Variants in SNTB1 observed in about 807,000 individuals in gnomAD.
The protein encoded by SNTB1 is beta-1-syntrophin.
In SNTB1, 36 loss-of-function variants were observed where a neutral mutation model predicts 48.9. The observed-to-expected ratio is 0.74, with a 90% confidence interval of 0.56 to 0.97. The LOEUF is 0.97. SNTB1 is among the 50% of genes least tolerant of loss of function. The pLI, the probability that SNTB1 is intolerant of heterozygous loss-of-function variation, is 0.00. For missense variants in SNTB1, 786 were observed against 703.4 expected, an observed-to-expected ratio of 1.12 and a Z score of -1.33; for synonymous variants, 299 against 294.6, an observed-to-expected ratio of 1.01 and a Z score of -0.15.
intron 4 of SNTB1, among the ~76,000 whole-genome samples, chr8:120,553,308 G>GGAACAGCA (rs1815513241): frequency 6.6e-6 from 1 of 152,212 alleles, no homozygotes; most frequent in Non-Finnish European, 1.5e-5. Context: ...TGCCATCTGA[G>GGAACAGCA]GAACAGCAGA....
chr8:120,594,345 C>T (rs1816290674), intron 3 of SNTB1, among the ~76,000 whole-genome samples: 1 of 152,178 alleles, frequency 6.6e-6, no homozygotes. Flanking sequence ...TCCAGTGATT[C>T]TCTTACCTCA....
chr8:120,667,357 G>T (rs1817689462), intron 2 of SNTB1, among the ~76,000 whole-genome samples: 1 of 152,096 alleles, frequency 6.6e-6, no homozygotes, highest in South Asian at 2.1e-4. Flanking sequence ...TGCCTCAATG[G>T]TTTTGTGGTC....
chr8:120,584,059 A>G (rs1310802471), intron 3 of SNTB1, among the ~76,000 whole-genome samples: 2 of 152,228 alleles, frequency 1.3e-5, no homozygotes, highest in Non-Finnish European at 2.9e-5. Flanking sequence ...CACGCTTGTA[A>G]GCCCAACACC....
rs556857592 is a variant in SNTB1, at chr8:120,709,313, G to A, written c.572-15405C>T. ...TTAATTAATTCCATTAAAAAGGATAGAAAATATGGGAAGAAATACAGGCTT... is the reference window on the plus strand; with the variant it reads ...TTAATTAATTCCATTAAAAAGGATAAAAAATATGGGAAGAAATACAGGCTT... On this transcript the variant is annotated intron_variant, in intron 1 of 6. Coordinates refer to ENST00000517992, the MANE Select transcript of SNTB1 (RefSeq NM_021021.4). Among the ~76,000 whole-genome samples the A allele has an allele frequency of 6.6e-5, 10 of 152,232 alleles. No homozygotes were observed. In the South Asian group the frequency reaches 1.7e-3, roughly 25 times the overall value.
intron 1 of SNTB1, among the ~76,000 whole-genome samples, chr8:120,764,819 C>A (rs1221988675): frequency 6.6e-6 from 1 of 152,102 alleles, no homozygotes; most frequent in Non-Finnish European, 1.5e-5. Flanking sequence ...CCAAGAAAAC[C>A]ATCAATCATT....
Position 120,811,614 on chromosome 8 carries a change from G to C in SNTB1, c.230C>G (p.Pro77Arg), listed in dbSNP as rs766992193. 24 of 1,586,912 alleles carry C rather than the reference G, an allele frequency of 1.5e-5. No individual in the cohort carries two copies. Among genetic ancestry groups the C allele is most frequent in the Middle Eastern group, 3.4e-4 (2 of 5,834 alleles). Residue 77 changes from proline to arginine, a missense_variant, in exon 1 of 7, where the codon CCG (proline) becomes CGG (arginine). By Grantham distance (103) the Pro-to-Arg change is moderately radical (BLOSUM62 -2). Transcript: ENST00000517992. ...SFCRGAGAGH[P>R]GAGGAQPPDS... ...CGGGGGCTGCGCGCCGCCCGCGCCCGGGTGCCCAGCCCCGGCGCCCCTGCA... is the reference window on the plus strand; with the variant it reads ...CGGGGGCTGCGCGCCGCCCGCGCCCCGGTGCCCAGCCCCGGCGCCCCTGCA...
chr8:120,690,108 G>A (rs750224193), intron 2 of SNTB1, among the ~76,000 whole-genome samples: 1 of 152,160 alleles, frequency 6.6e-6, no homozygotes, highest in Non-Finnish European at 1.5e-5. Flanking sequence ...GAGAGACAGA[G>A]AGACCATATT....
chr8:120,703,228 G>A (rs944171744), intron 1 of SNTB1, among the ~76,000 whole-genome samples: 10 of 152,300 alleles, frequency 6.6e-5, no homozygotes, highest in Admixed American at 2.6e-4. Context: ...GGGTTCAAGC[G>A]ATTCTCCTGC....
At position 120,675,121 on chromosome 8, in the gene SNTB1, A is replaced by C. The variant is rs539486021; in HGVS notation, c.788+18571T>G. On this transcript the variant is annotated intron_variant, in intron 2 of 6. Transcript: ENST00000517992. ...CTTTTCACATGTTTTAAGTGTGAAAAGGCCCAGTGGTCTTCATCTGGGACC... is the reference window on the plus strand; with the variant it reads ...CTTTTCACATGTTTTAAGTGTGAAACGGCCCAGTGGTCTTCATCTGGGACC... 1.4e-3 allele frequency among the ~76,000 whole-genome samples: 213 copies of C among 152,342 alleles called. 1 individual carries two copies. Among genetic ancestry groups the C allele is most frequent in the African/African-American group, 4.5e-3 (186 of 41,576 alleles).
chr8:120,731,102 C>A (rs184888788), intron 1 of SNTB1, among the ~76,000 whole-genome samples: 2 of 152,100 alleles, frequency 1.3e-5, no homozygotes, highest in South Asian at 2.1e-4. Context: ...GCCTGGGCAA[C>A]AGAGTGAGAC....
At chr8:120,661,686 C>T (rs1817590932) in intron 2 of SNTB1, among the ~76,000 whole-genome samples, 1 of 152,108 alleles carries the variant, frequency 6.6e-6, no homozygotes, top group South Asian at 2.1e-4. Context: ...TGTGATGTCC[C>T]CCTCCCTGTG....
intron 1 of SNTB1, among the ~76,000 whole-genome samples, chr8:120,732,687 G>A (rs1368493593): frequency 2.0e-5 from 3 of 151,978 alleles, no homozygotes; most frequent in Non-Finnish European, 4.4e-5. Context: ...TCTATTAAAC[G>A]TACAAAAATT....
chr8:120,811,358 G>C lies in SNTB1; in HGVS notation c.486C>G (p.Ser162=). 6.8e-6 allele frequency: 11 copies of C among 1,613,578 alleles called. No homozygotes were observed. Among genetic ancestry groups the C allele is most frequent in the South Asian group, 1.1e-5 (1 of 91,086 alleles). ...QALYVGDAIL[S]VNGADLRDAT... ...CGTCCCGCAGGTCGGCTCCGTTCAC[G>C]GACAGGATGGCGTCGCCCACGTACA... Residue 162 remains serine, a synonymous_variant, in exon 1 of 7, where the codon TCC becomes TCG. Coordinates refer to ENST00000517992, the MANE Select transcript of SNTB1 (RefSeq NM_021021.4).
intron 1 of SNTB1, among the ~76,000 whole-genome samples, chr8:120,716,228 AGACT>A (rs1818555716): frequency 6.6e-6 from 1 of 152,208 alleles, no homozygotes; most frequent in Non-Finnish European, 1.5e-5. Flanking sequence ...TGTCTGCCAC[AGACT>A]GACTGCCTGA....
intron 1 of SNTB1, among the ~76,000 whole-genome samples, chr8:120,795,414 T>C (rs13267880): frequency 0.12 from 17,936 of 152,060 alleles, 1,549 homozygotes; most frequent in African/African-American, 0.24. Context: ...GAACAACCTT[T>C]GCCATTGCCC....
rs546616544 is a variant in SNTB1 at position 120,555,097 on chromosome 8, A to C, written c.1137-6139T>G. On this transcript the variant is annotated intron_variant, in intron 4 of 6. Coordinates refer to ENST00000517992, the MANE Select transcript of SNTB1 (RefSeq NM_021021.4). ...TCATAAGATGCATATGTCAAAGCCC[A>C]ATATGACAGTATTTGGAAATGGTGA... 2.0e-5 allele frequency among the ~76,000 whole-genome samples: 3 copies of C among 152,346 alleles called. No individual in the cohort carries two copies. In the South Asian group the frequency reaches 6.2e-4, roughly 32 times the overall value.
chr8:120,804,220 C>G (rs1036729384), intron 1 of SNTB1, among the ~76,000 whole-genome samples: 1 of 151,232 alleles, frequency 6.6e-6, no homozygotes. Flanking sequence ...CCTTCCTTCC[C>G]TCCTTCCCTT....
intron 1 of SNTB1, among the ~76,000 whole-genome samples, chr8:120,742,093 G>A (rs941797639): frequency 6.6e-6 from 1 of 152,210 alleles, no homozygotes; most frequent in African/African-American, 2.4e-5. Context: ...GAATGGGCTG[G>A]ATGAACAACT....
intron 2 of SNTB1, among the ~76,000 whole-genome samples, chr8:120,654,003 G>A (rs1489572553): frequency 4.4e-5 from 5 of 112,992 alleles, no homozygotes; most frequent in African/African-American, 1.7e-4. Flanking sequence ...TGGCGCCACT[G>A]CACTCCAGCC....
Sources: gnomAD v4.1 joint callset for allele counts (sites outside exome capture counted in the v4.1 genomes callset) on GRCh38, gnomAD v4.1.1 for gene constraint, MANE v1.5 for transcripts, NCBI Gene and HGNC (gene_info 2026-07-23, HGNC 2026-07-21) for gene names.